Variants in EIF2AK2 observed in about 807,000 individuals in gnomAD.
EIF2AK2 encodes interferon-induced, double-stranded RNA-activated protein kinase.
A neutral mutation model predicts 70.5 loss-of-function variants in EIF2AK2; 40 were observed. The observed-to-expected ratio is 0.57, with a 90% CI of 0.44 to 0.74. The LOEUF (loss-of-function observed/expected upper bound fraction) is 0.74. EIF2AK2 is among the 30% of genes least tolerant of loss of function. The pLI is 0.00. For missense variants in EIF2AK2, 555 were observed against 644.3 expected, an observed-to-expected ratio of 0.86 and a Z score of 1.50; for synonymous variants, 198 against 220.9, an observed-to-expected ratio of 0.90 and a Z score of 0.92.
intron 1 of EIF2AK2, among the ~76,000 whole-genome samples, chr2:37,155,032 C>G (rs1298486380): frequency 6.6e-6 from 1 of 151,724 alleles, no homozygotes; most frequent in Non-Finnish European, 1.5e-5. Flanking sequence ...CTCTTTTCTA[C>G]TTGGACTCAC....
rs544829565 is a variant in EIF2AK2, at chr2:37,099,577, G to A, written c.*7696C>T. On this transcript the variant is annotated 3_prime_UTR_variant, in exon 17 of 17. Coordinates refer to ENST00000233057, the MANE Select transcript of EIF2AK2 (RefSeq NM_001135651.3). ...CACTTTGGAAATAACACTGAATTTG[G>A]GTTCTGAAAGATGGATATAATTTTG... The A allele has an allele frequency of 2.0e-5, 3 of 152,276 alleles. No homozygotes were observed. Among genetic ancestry groups the A allele is most frequent in the Admixed American group, 2.0e-4 (3 of 15,288 alleles). The allele number at this position is 152,276 out of a possible 1,614,324, so 9.4% of individuals were successfully genotyped here.
At chr2:37,126,172 A>C in intron 11 of EIF2AK2, 117 bp downstream of exon 11, 1 of 1,334,654 alleles carries the variant, frequency 7.5e-7, no homozygotes, top group Non-Finnish European at 1.0e-6. Flanking sequence ...TGAAATGTTT[A>C]ATGAGGATCA....
chr2:37,118,154 A>AC (rs1261797311), intron 13 of EIF2AK2, among the ~76,000 whole-genome samples: 2 of 151,720 alleles, frequency 1.3e-5, no homozygotes, highest in East Asian at 1.9e-4. Context: ...ACAAAAAAAA[A>AC]ACACACAAAA....
chr2:37,120,236 A>T (rs1055144349), intron 12 of EIF2AK2, 97 bp from the exon 13 acceptor site: 1 of 839,938 alleles, frequency 1.2e-6, no homozygotes, highest in Non-Finnish European at 1.6e-6. Context: ...ACTTTTTAAA[A>T]GCTTATACCT....
Position 37,103,764 on chromosome 2 carries a change from A to G in EIF2AK2, c.*3509T>C, listed in dbSNP as rs956323797. On this transcript the variant is annotated 3_prime_UTR_variant, in exon 17 of 17. Coordinates refer to ENST00000233057, the MANE Select transcript of EIF2AK2 (RefSeq NM_001135651.3). ...ACATGTGTGCCCTCTTTCTCTCTCC[A>G]TGTTGATTTTTGCTGAACATTGAAA... 1 of 152,164 alleles carries G rather than the reference A, an allele frequency of 6.6e-6. No individual in the cohort carries two copies. The highest frequency in any genetic ancestry group is 1.5e-5 in the Non-Finnish European group (1 of 68,036). 9.4% of individuals were successfully genotyped at this position (152,164 alleles called of 1,614,324 possible). A position where few individuals can be genotyped will look rare whatever the true frequency, so the allele number is the denominator to read the frequency against.
chr2:37,153,812 A>G (rs907361938), intron 1 of EIF2AK2, among the ~76,000 whole-genome samples: 1 of 152,180 alleles, frequency 6.6e-6, no homozygotes, highest in Non-Finnish European at 1.5e-5. Context: ...TATCTGTTTA[A>G]GTCCCTACTT....
At chr2:37,143,523 T>A (rs1485622414) in intron 4 of EIF2AK2, among the ~76,000 whole-genome samples, 2 of 152,196 alleles carry the variant, frequency 1.3e-5, no homozygotes, top group African/African-American at 4.8e-5. Flanking sequence ...AAAAAAATGA[T>A]GGTTGCATCT....
intron 12 of EIF2AK2, among the ~76,000 whole-genome samples, chr2:37,120,975 AAG>A (rs1196177629): frequency 2.8e-5 from 4 of 145,080 alleles, no homozygotes; most frequent in Admixed American, 2.1e-4. Context: ...AAAAAAAAAA[AAG>A]AAGAGGCCGG....
intron 10 of EIF2AK2, among the ~76,000 whole-genome samples, chr2:37,126,728 A>G (rs1674741835): frequency 6.6e-6 from 1 of 152,084 alleles, no homozygotes; most frequent in South Asian, 2.1e-4. Flanking sequence ...AGGCCAAGGC[A>G]GGTGGATCAC....
chr2:37,133,147 C>T (rs916752425), intron 10 of EIF2AK2, among the ~76,000 whole-genome samples: 2 of 152,174 alleles, frequency 1.3e-5, no homozygotes, highest in African/African-American at 4.8e-5. Flanking sequence ...CTAAAAATCA[C>T]CCGCACCAGG....
At chr2:37,152,374 C>T (rs1675773644) in intron 1 of EIF2AK2, among the ~76,000 whole-genome samples, 1 of 152,064 alleles carries the variant, frequency 6.6e-6, no homozygotes, top group South Asian at 2.1e-4. Context: ...ATCTGCCTCC[C>T]AGGTTCAAGC....
chr2:37,119,546 T>A (rs1674460573), intron 13 of EIF2AK2, among the ~76,000 whole-genome samples: 1 of 151,940 alleles, frequency 6.6e-6, no homozygotes, highest in Non-Finnish European at 1.5e-5. Context: ...ACCACTATTC[T>A]AAAACTAGAG....
rs531205850 is a variant in EIF2AK2, at chr2:37,131,173, T to C, written c.785+4311A>G. ...AACCACTCACTCCTACCCCAGACCTTTATCATGCTTTCTGTCACCTAAAAT... is the reference window on the plus strand; with the variant it reads ...AACCACTCACTCCTACCCCAGACCTCTATCATGCTTTCTGTCACCTAAAAT... On this transcript the variant is annotated intron_variant, in intron 10 of 16. Coordinates refer to ENST00000233057, the MANE Select transcript of EIF2AK2 (RefSeq NM_001135651.3). Among the ~76,000 whole-genome samples, 4 of 152,268 alleles carry C rather than the reference T, an allele frequency of 2.6e-5. No homozygotes were observed. The East Asian group carries it at 5.8e-4, about 22-fold the overall frequency.
rs1673835715 is a variant in EIF2AK2 at position 37,101,882 on chromosome 2, A to G, written c.*5391T>C. 1 of 152,174 alleles carries G rather than the reference A, an allele frequency of 6.6e-6. No individual in the cohort carries two copies. The highest frequency in any genetic ancestry group is 1.5e-5 in the Non-Finnish European group (1 of 68,036). The allele number at this position is 152,174 out of a possible 1,614,324, so 9.4% of individuals were successfully genotyped here. ...GTGACAATGATGCTGTGGTTTTGTT[A>G]AAAAGATTTATCTGCTAGAGATACA... On this transcript the variant is annotated 3_prime_UTR_variant, in exon 17 of 17. Coordinates refer to ENST00000233057, the MANE Select transcript of EIF2AK2 (RefSeq NM_001135651.3).
intron 4 of EIF2AK2, among the ~76,000 whole-genome samples, chr2:37,142,351 T>A (rs1210108968): frequency 6.6e-6 from 1 of 152,152 alleles, no homozygotes; most frequent in Non-Finnish European, 1.5e-5. Context: ...CAGGCTGTTC[T>A]CGAACTCCTA....
At chr2:37,155,852 A>T (rs1449908377) in intron 1 of EIF2AK2, among the ~76,000 whole-genome samples, 1 of 151,636 alleles carries the variant, frequency 6.6e-6, no homozygotes, top group Non-Finnish European at 1.5e-5. Flanking sequence ...GAGGAAGGAA[A>T]ATCGCTTGAA....
At chr2:37,148,529 A>G in intron 2 of EIF2AK2, 1 of 677,178 alleles carries the variant, frequency 1.5e-6, no homozygotes, top group Non-Finnish European at 2.7e-6. Flanking sequence ...TAGAATCAAC[A>G]ATGATGGATC....
chr2:37,143,578 C>G (rs1215992552), intron 4 of EIF2AK2, among the ~76,000 whole-genome samples: 2 of 152,042 alleles, frequency 1.3e-5, no homozygotes, highest in East Asian at 3.9e-4. Flanking sequence ...ATTCCCTAAA[C>G]AATACAGCAT....
chr2:37,103,764 A>T lies in EIF2AK2; in HGVS notation c.*3509T>A, dbSNP rs956323797. On this transcript the variant is annotated 3_prime_UTR_variant, in exon 17 of 17. Coordinates refer to ENST00000233057, the MANE Select transcript of EIF2AK2 (RefSeq NM_001135651.3). ...ACATGTGTGCCCTCTTTCTCTCTCC[A>T]TGTTGATTTTTGCTGAACATTGAAA... is the stretch of plus-strand genomic sequence containing the variant. 6 of 152,282 alleles carry T rather than the reference A, an allele frequency of 3.9e-5. No individual in the cohort carries two copies. The highest frequency in any genetic ancestry group is 3.9e-4 in the East Asian group (2 of 5,190). The allele number at this position is 152,282 out of a possible 1,614,324, so 9.4% of individuals were successfully genotyped here. A position where few individuals can be genotyped will look rare whatever the true frequency, so the allele number is the denominator to read the frequency against.
Sources: allele counts gnomAD v4.1 joint callset (sites outside exome capture counted in the v4.1 genomes callset), GRCh38; gene constraint gnomAD v4.1.1; transcripts MANE v1.5; gene names NCBI Gene and HGNC (gene_info 2026-07-23, HGNC 2026-07-21).